The following SGCZ variants were observed in gnomAD, a reference collection of about 807,000 sequenced individuals.
The protein encoded by SGCZ is sarcoglycan zeta.
A neutral mutation model predicts 41.3 loss-of-function variants in SGCZ; 40 were observed. That is an observed-to-expected ratio of 0.97 (90% confidence interval 0.75 to 1.26). SGCZ has a LOEUF of 1.26. Ranked by LOEUF, SGCZ falls within the 50% of genes most tolerant of loss-of-function variation. The pLI, the probability that SGCZ is intolerant of heterozygous loss-of-function variation, is 0.00. For synonymous variants in SGCZ, 206 were observed against 137.5 expected (o/e 1.50, Z -3.49); for missense variants, 552 against 369.8 (o/e 1.49, Z -4.04).
At chr8:14,138,979 A>G (rs1476732945) in intron 5 of SGCZ, among the ~76,000 whole-genome samples, 20 of 152,214 alleles carry the variant, frequency 1.3e-4, no homozygotes, top group African/African-American at 2.4e-5. Flanking sequence ...AACAGAAATC[A>G]TAACAAACTG....
At chr8:15,007,902 A>G (rs925608410) in intron 1 of SGCZ, among the ~76,000 whole-genome samples, 3 of 152,320 alleles carry the variant, frequency 2.0e-5, no homozygotes, top group African/African-American at 7.2e-5. Context: ...GAAATTTTTA[A>G]AATTAGTTCA....
intron 3 of SGCZ, among the ~76,000 whole-genome samples, chr8:14,319,690 A>G (rs1801853987): frequency 6.6e-6 from 1 of 152,034 alleles, no homozygotes; most frequent in Admixed American, 6.6e-5. Context: ...CAAAGACCCG[A>G]GGCAGTTAAA....
chr8:14,747,923 G>A (rs13252304), intron 1 of SGCZ, among the ~76,000 whole-genome samples: 59,524 of 142,682 alleles, frequency 0.42, 12,443 homozygotes, highest in East Asian at 0.51. Flanking sequence ...ACAGAGTTTC[G>A]CCATGTTGGC....
chr8:14,989,055 G>A (rs1585442499), intron 1 of SGCZ, among the ~76,000 whole-genome samples: 1 of 152,142 alleles, frequency 6.6e-6, no homozygotes, highest in Admixed American at 6.5e-5. Flanking sequence ...TAAGAATCCA[G>A]GGAATCAAGT....
intron 1 of SGCZ, among the ~76,000 whole-genome samples, chr8:14,585,201 A>G (rs954463758): frequency 6.6e-6 from 1 of 152,154 alleles, no homozygotes; most frequent in Non-Finnish European, 1.5e-5. Flanking sequence ...CGTTAAATGT[A>G]CTTTTCAAGA....
chr8:14,613,661 G>A (rs1806002754), intron 1 of SGCZ, among the ~76,000 whole-genome samples: 1 of 152,164 alleles, frequency 6.6e-6, no homozygotes, highest in South Asian at 2.1e-4. Context: ...TAAATGATAT[G>A]CAAACTACTG....
At chr8:14,586,803 CTTTG>C (rs1417203585) in intron 1 of SGCZ, among the ~76,000 whole-genome samples, 1 of 151,950 alleles carries the variant, frequency 6.6e-6, no homozygotes, top group African/African-American at 2.4e-5. Flanking sequence ...TAAATTAGTT[CTTTG>C]TTTTCTTCCC....
At chr8:15,081,500 T>G (rs1805745697) in intron 1 of SGCZ, among the ~76,000 whole-genome samples, 2 of 151,992 alleles carry the variant, frequency 1.3e-5, no homozygotes, top group Admixed American at 1.3e-4. Context: ...TGGCTTTTTT[T>G]TTTTTTTACC....
At chr8:14,775,485 G>GTGTGTGTGTGTGTGTGTGTT in intron 1 of SGCZ, among the ~76,000 whole-genome samples, 1 of 151,910 alleles carries the variant, frequency 6.6e-6, no homozygotes, top group African/African-American at 2.4e-5. Context: ...GTGTGTGTGT[G>GTGTGTGTGTGTGTGTGTGTT]TGTGTGTGTG....
At chr8:14,603,470 C>T (rs559670709) in intron 1 of SGCZ, among the ~76,000 whole-genome samples, 1 of 151,832 alleles carries the variant, frequency 6.6e-6, no homozygotes, top group South Asian at 2.1e-4. Context: ...TATTAAGATA[C>T]CACCAAGAAG....
chr8:14,244,069 C>T (rs769719520), intron 3 of SGCZ, among the ~76,000 whole-genome samples: 2 of 152,244 alleles, frequency 1.3e-5, no homozygotes, highest in Admixed American at 1.3e-4. Context: ...AAGATCCAGG[C>T]TACATGGGTT....
chr8:14,296,593 A>G (rs1315567864), intron 3 of SGCZ, among the ~76,000 whole-genome samples: 1 of 152,164 alleles, frequency 6.6e-6, no homozygotes, highest in African/African-American at 2.4e-5. Flanking sequence ...AAGGTGTAAA[A>G]CTATACTATT....
intron 2 of SGCZ, among the ~76,000 whole-genome samples, chr8:14,386,602 A>G (rs1804587790): frequency 6.6e-6 from 1 of 152,166 alleles, no homozygotes; most frequent in Admixed American, 6.6e-5. Context: ...TATGTTGTAT[A>G]TTTTCAAAAA....
intron 1 of SGCZ, among the ~76,000 whole-genome samples, chr8:14,884,862 G>T (rs1249319394): frequency 6.6e-6 from 1 of 151,758 alleles, no homozygotes; most frequent in African/African-American, 2.4e-5. Context: ...AGTCCTTCTG[G>T]TTTTTATGAT....
intron 5 of SGCZ, among the ~76,000 whole-genome samples, chr8:14,159,660 C>T (rs1803981314): frequency 6.6e-6 from 1 of 152,168 alleles, no homozygotes. Flanking sequence ...TTCCTTTTCT[C>T]AGCACCTAAT....
intron 1 of SGCZ, among the ~76,000 whole-genome samples, chr8:15,205,218 C>T (rs1465084138): frequency 1.3e-5 from 2 of 152,032 alleles, no homozygotes; most frequent in East Asian, 1.9e-4. Context: ...ATTACAAAGA[C>T]ACAAAAAGCA....
At chr8:15,003,900 T>A (rs6530824) in intron 1 of SGCZ, among the ~76,000 whole-genome samples, 1 of 151,956 alleles carries the variant, frequency 6.6e-6, no homozygotes, top group Non-Finnish European at 1.5e-5. Flanking sequence ...GTCAAGTCCT[T>A]TACAACAACG....
At chr8:14,718,397 A>T (rs2130170734) in intron 1 of SGCZ, among the ~76,000 whole-genome samples, 1 of 152,242 alleles carries the variant, frequency 6.6e-6, no homozygotes, top group East Asian at 1.9e-4. Context: ...GAGAGAAACC[A>T]ATATTATCTA....
chr8:14,745,721 C>G (rs147861812), intron 1 of SGCZ, among the ~76,000 whole-genome samples: 5 of 151,534 alleles, frequency 3.3e-5, no homozygotes, highest in Admixed American at 2.0e-4. Flanking sequence ...GAAATTTAAC[C>G]GAGCTACAAG....
Sources: allele counts gnomAD v4.1 joint callset (sites outside exome capture counted in the v4.1 genomes callset), GRCh38; gene constraint gnomAD v4.1.1; transcripts MANE v1.5; gene names NCBI Gene and HGNC (gene_info 2026-07-23, HGNC 2026-07-21).